The following IRAG2 variants were observed in gnomAD, a reference collection of about 807,000 sequenced individuals.
IRAG2 encodes the protein inositol 1,4,5-triphosphate receptor associated 2.
IRAG2 carries 45 observed loss-of-function variants against 69.9 expected under a neutral mutation model. The observed-to-expected ratio is 0.64, with a 90% CI of 0.51 to 0.83. IRAG2 has a LOEUF of 0.83. Among genes scored for constraint, IRAG2 ranks in the 40% least tolerant of loss-of-function variants. IRAG2 has a pLI of 0.00. For synonymous variants in IRAG2, 193 were observed against 202.4 expected, an observed-to-expected ratio of 0.95 and a Z score of 0.40; for missense variants, 520 against 587.0, an observed-to-expected ratio of 0.89 and a Z score of 1.18.
At chr12:25,105,447 C>G (rs1949013245) in intron 20 of IRAG2, among the ~76,000 whole-genome samples, 1 of 152,066 alleles carries the variant, frequency 6.6e-6, no homozygotes, top group Non-Finnish European at 1.5e-5. Flanking sequence ...TTATTTTATA[C>G]ATTTTCGTGA....
At chr12:25,099,061 C>G (rs573653462) in intron 15 of IRAG2, among the ~76,000 whole-genome samples, 8 of 152,080 alleles carry the variant, frequency 5.3e-5, no homozygotes, top group African/African-American at 1.9e-4. Flanking sequence ...ATTGAAGAGC[C>G]CCAGGACTCC....
intron 16 of IRAG2, among the ~76,000 whole-genome samples, chr12:25,040,181 C>T (rs757674347): frequency 1.3e-5 from 2 of 152,240 alleles, no homozygotes; most frequent in Non-Finnish European, 2.9e-5. Flanking sequence ...ATAAAGGCTA[C>T]ACACAAAATA....
chr12:25,074,756 TA>T (rs113074014), intron 6 of IRAG2, among the ~76,000 whole-genome samples: 18 of 152,306 alleles, frequency 1.2e-4, no homozygotes, highest in African/African-American at 1.9e-4. Flanking sequence ...TTTTGGCTGT[TA>T]AAAAAATTAC....
chr12:25,095,262 A>T (rs569753417), intron 14 of IRAG2, among the ~76,000 whole-genome samples: 20 of 152,196 alleles, frequency 1.3e-4, no homozygotes, highest in African/African-American at 3.1e-4. Flanking sequence ...CTATTTTTTT[A>T]AATTAGCACT....
intron 7 of IRAG2, among the ~76,000 whole-genome samples, chr12:25,022,200 T>C (rs1011116395): frequency 1.4e-4 from 22 of 152,198 alleles, no homozygotes; most frequent in Admixed American, 1.4e-3. Context: ...TGTTAGGAAT[T>C]GGTAATGTTA....
intron 4 of IRAG2, among the ~76,000 whole-genome samples, chr12:25,065,169 A>G (rs900675812): frequency 1.3e-5 from 2 of 152,212 alleles, no homozygotes; most frequent in Non-Finnish European, 2.9e-5. Flanking sequence ...CTATTAACTC[A>G]TTTAATCCTC....
chr12:25,082,204 T>C (rs1018364204), intron 9 of IRAG2, among the ~76,000 whole-genome samples: 2 of 152,208 alleles, frequency 1.3e-5, no homozygotes, highest in Non-Finnish European at 2.9e-5. Flanking sequence ...ACTGGATTTC[T>C]GGAAGTCATG....
intron 9 of IRAG2, among the ~76,000 whole-genome samples, chr12:25,081,247 G>A (rs1008507955): frequency 6.6e-6 from 1 of 152,206 alleles, no homozygotes; most frequent in African/African-American, 2.4e-5. Context: ...CAGATCACGA[G>A]GTCAGAAGAT....
Position 25,012,143 on chromosome 12 carries a change from C to CTTTTTTTTTTTTTTTTTTTTTTTTTTT in IRAG2, c.896+592_896+593insTTTTTTTTTTTTTTTTTTTTTTTTTTT, listed in dbSNP as rs1944480147. 5.4e-4 allele frequency among the ~76,000 whole-genome samples: 13 copies of CTTTTTTTTTTTTTTTTTTTTTTTTTTT among 24,096 alleles called. 6 individuals are homozygous for CTTTTTTTTTTTTTTTTTTTTTTTTTTT. The highest frequency in any genetic ancestry group is 1.5e-4 in the African/African-American group (2 of 13,162). The allele number at this position is 24,096 out of a possible 152,430, so 15.8% of individuals were successfully genotyped here. The stretch of plus-strand genomic sequence containing the variant: ...GTCTTCTTCCACAGAAAGCGAATTC[C>CTTTTTTTTTTTTTTTTTTTTTTTTTTT]CTTTTTTTTTTTTTTTTTTTTTTTT... On this transcript the variant is annotated intron_variant, in intron 3 of 38. Transcript: ENST00000636465.
chr12:25,103,792 A>T, intron 17 of IRAG2, 45 bp from the exon 18 acceptor site: 1 of 1,378,240 alleles, frequency 7.3e-7, no homozygotes, highest in South Asian at 1.2e-5. Flanking sequence ...TATAATGATA[A>T]ATTATTGAGA....
chr12:25,053,286 A>T (rs1944973608), intron 1 of IRAG2, among the ~76,000 whole-genome samples: 2 of 150,600 alleles, frequency 1.3e-5, no homozygotes, highest in South Asian at 2.1e-4. Context: ...GTATATTTGA[A>T]CTTGCAAGTT....
intron 7 of IRAG2, chr12:25,020,974 C>T: frequency 1.3e-6 from 1 of 775,264 alleles, no homozygotes; most frequent in Middle Eastern, 4.4e-4. Flanking sequence ...TACAAGAGGA[C>T]TTATCCGGTG....
intron 4 of IRAG2, chr12:25,015,281 G>C (rs1473593528): frequency 8.1e-7 from 1 of 1,230,426 alleles, no homozygotes; most frequent in African/African-American, 1.6e-5. Context: ...TGTTTCTTCA[G>C]GATTGTTCTG....
At chr12:25,005,550 G>A (rs986111787) in intron 2 of IRAG2, among the ~76,000 whole-genome samples, 3 of 152,140 alleles carry the variant, frequency 2.0e-5, no homozygotes, top group Non-Finnish European at 2.9e-5. Flanking sequence ...CCCTGTACCT[G>A]TTTTGCATCA....
chr12:25,077,402 T>TATG (rs1946900378), intron 6 of IRAG2, among the ~76,000 whole-genome samples: 2 of 138,028 alleles, frequency 1.4e-5, no homozygotes, highest in African/African-American at 2.7e-5. Flanking sequence ...ATGAAATATA[T>TATG]ATACACATAA....
At chr12:25,058,328 A>G (rs1271050443) in intron 1 of IRAG2, among the ~76,000 whole-genome samples, 2 of 152,318 alleles carry the variant, frequency 1.3e-5, no homozygotes, top group East Asian at 3.9e-4. Context: ...TATATTTTTC[A>G]GATGTAATGA....
At chr12:25,077,361 G>GATACATATGAAATATATATATATGAT (rs1565563591) in intron 6 of IRAG2, among the ~76,000 whole-genome samples, 253 of 12,800 alleles carry the variant, frequency 0.02, 34 homozygotes, top group South Asian at 0.053. Flanking sequence ...TGATATATAT[G>GATACATATGAAATATATATATATGAT]ATATATATGA....
rs528319929 is a variant in IRAG2, at chr12:25,055,444, T to C, written c.-447+2488T>C. Among the ~76,000 whole-genome samples, 14 of 152,352 alleles carry C rather than the reference T, an allele frequency of 9.2e-5. No individual in the cohort carries two copies. In the South Asian group the frequency reaches 2.9e-3, roughly 32 times the overall value. On this transcript the variant is annotated intron_variant, in intron 1 of 21. Transcript: ENST00000556887. Reference sequence around the variant, plus strand: ...AGACACATGACTGGATTATAATTAGTGTTTGCTTTAAAAAGGAAATTTTTT... The same window carrying C: ...AGACACATGACTGGATTATAATTAGCGTTTGCTTTAAAAAGGAAATTTTTT...
Position 25,063,706 on chromosome 12 carries a change from G to C in IRAG2, c.-303-14G>C, listed in dbSNP as rs943274633. On this transcript the variant is annotated splice_polypyrimidine_tract_variant and intron_variant, in intron 3 of 21. Coordinates refer to ENST00000556887, the MANE Select transcript of IRAG2 (RefSeq NM_001366544.2). ...TTCCTTTAGATGGCTAATACTACTT[G>C]GTTTTCTGTTCAGAAGCAGTGTTGC... 2 of 398,758 alleles carry C rather than the reference G, an allele frequency of 5.0e-6. No individual in the cohort carries two copies. Among genetic ancestry groups the C allele is most frequent in the Non-Finnish European group, 8.8e-6 (2 of 226,026 alleles). The allele number at this position is 398,758 out of a possible 1,614,324, so 24.7% of individuals were successfully genotyped here.
Sources: allele counts gnomAD v4.1 joint callset (sites outside exome capture counted in the v4.1 genomes callset), GRCh38; gene constraint gnomAD v4.1.1; transcripts MANE v1.5; gene names NCBI Gene and HGNC (gene_info 2026-07-23, HGNC 2026-07-21).